Variants in ICA1 observed in about 807,000 individuals in gnomAD.
ICA1 encodes the protein 69 kDa islet cell autoantigen.
ICA1 carries 40 observed loss-of-function variants against 71.0 expected under a neutral mutation model. The observed-to-expected ratio is 0.56, with a 90% CI of 0.44 to 0.73. The LOEUF (loss-of-function observed/expected upper bound fraction) is 0.73, where lower values mean the gene tolerates loss of function less well. Among genes scored for constraint, ICA1 ranks in the 30% least tolerant of loss-of-function variants. The pLI is 0.00. For missense variants in ICA1, 578 were observed against 576.5 expected, an observed-to-expected ratio of 1.00 and a Z score of -0.03; for synonymous variants, 207 against 209.5, an observed-to-expected ratio of 0.99 and a Z score of 0.10.
At chr7:8,197,774 G>A (rs1415212358) in intron 6 of ICA1, among the ~76,000 whole-genome samples, 1 of 151,798 alleles carries the variant, frequency 6.6e-6, no homozygotes, top group Non-Finnish European at 1.5e-5. Flanking sequence ...GTAGATAGAT[G>A]ACTTATAACT....
intron 10 of ICA1, among the ~76,000 whole-genome samples, chr7:8,141,163 G>A (rs1158573283): frequency 6.6e-6 from 1 of 152,198 alleles, no homozygotes; most frequent in Non-Finnish European, 1.5e-5. Flanking sequence ...GAAAACACTG[G>A]CAGTAACAGC....
At chr7:8,147,745 A>G (rs1397839925) in intron 8 of ICA1, among the ~76,000 whole-genome samples, 1 of 151,778 alleles carries the variant, frequency 6.6e-6, no homozygotes, top group Non-Finnish European at 1.5e-5. Context: ...TAACTGAGCT[A>G]TAATTCAAAT....
chr7:8,254,757 G>A (rs1006918308), intron 1 of ICA1, among the ~76,000 whole-genome samples: 1 of 151,964 alleles, frequency 6.6e-6, no homozygotes, highest in African/African-American at 2.4e-5. Flanking sequence ...GAAGCAGAAA[G>A]TGGGGAGTGG....
At chr7:8,162,173 T>C (rs1181413507) in intron 6 of ICA1, among the ~76,000 whole-genome samples, 1 of 152,236 alleles carries the variant, frequency 6.6e-6, no homozygotes, top group Non-Finnish European at 1.5e-5. Flanking sequence ...CTTATTTCAC[T>C]TGCTATAACA....
intron 6 of ICA1, among the ~76,000 whole-genome samples, chr7:8,194,457 G>C (rs192389714): frequency 8.5e-5 from 13 of 152,232 alleles, no homozygotes; most frequent in African/African-American, 3.1e-4. Context: ...TTATTTGTGA[G>C]AAAAGGCTAT....
chr7:8,127,779 TA>T, intron 13 of ICA1, 93 bp downstream of exon 13: 1 of 1,354,448 alleles, frequency 7.4e-7, no homozygotes, highest in East Asian at 2.3e-5. Context: ...GAGAAAACAT[TA>T]AAAAAGACAA....
chr7:8,196,002 C>A (rs73059551), intron 6 of ICA1, among the ~76,000 whole-genome samples: 1,731 of 26,560 alleles, frequency 0.065, 33 homozygotes, highest in African/African-American at 0.13. Flanking sequence ...AACAACAACA[C>A]CAACACCAAC....
chr7:8,167,877 G>A (rs1431322561), intron 6 of ICA1, among the ~76,000 whole-genome samples: 1 of 152,142 alleles, frequency 6.6e-6, no homozygotes, highest in Non-Finnish European at 1.5e-5. Context: ...TGGAGCTAGA[G>A]TGAAAAAGTC....
Position 8,173,522 on chromosome 7 carries a change from AAAAAGAAAC to A in ICA1, c.580-14879_580-14871del, listed in dbSNP as rs1779531246. ...GAACCAATTCAATATTTTGACAAAG[AAAAAGAAAC>A]AAACATTTATCCTGCATATCCTATC... On this transcript the variant is annotated intron_variant, in intron 6 of 13. Transcript: ENST00000402384. The surrounding 1 kb of genome is among the most constrained non-coding windows in gnomAD (Gnocchi z 4.0). Among the ~76,000 whole-genome samples, 1 of 152,224 alleles carries A rather than the reference AAAAAGAAAC, an allele frequency of 6.6e-6. No individual in the cohort carries two copies. The highest frequency in any genetic ancestry group is 2.4e-5 in the African/African-American group (1 of 41,452).
chr7:8,174,784 G>C (rs1313344190), intron 6 of ICA1, among the ~76,000 whole-genome samples: 1 of 47,718 alleles, frequency 2.1e-5, no homozygotes, highest in Non-Finnish European at 4.7e-5. Context: ...AAAAAACAGA[G>C]AGAGAGACAA....
At chr7:8,126,869 A>C (rs1044895191) in intron 13 of ICA1, among the ~76,000 whole-genome samples, 1 of 152,224 alleles carries the variant, frequency 6.6e-6, no homozygotes, top group African/African-American at 2.4e-5. Flanking sequence ...TTTCAACATG[A>C]GTTTCAGGCT....
chr7:8,174,771 A>AAAAAAAACAAAAAGCC (rs71014769), intron 6 of ICA1, among the ~76,000 whole-genome samples: 1 of 106,060 alleles, frequency 9.4e-6, no homozygotes, highest in East Asian at 3.1e-4. Context: ...AAAAAAAAAA[A>AAAAAAAACAAAAAGCC]AAAAAAAACA....
chr7:8,147,640 G>A (rs1327102601), intron 8 of ICA1, among the ~76,000 whole-genome samples: 1 of 151,352 alleles, frequency 6.6e-6, no homozygotes, highest in Admixed American at 6.6e-5. Flanking sequence ...AATTGATACT[G>A]AGCACATGGA....
intron 6 of ICA1, among the ~76,000 whole-genome samples, chr7:8,215,235 A>C (rs1795032774): frequency 6.6e-6 from 1 of 151,834 alleles, no homozygotes; most frequent in African/African-American, 2.4e-5. Flanking sequence ...CCCCATCTCC[A>C]CACTCACCTC....
chr7:8,142,346 T>C (rs779492163), intron 9 of ICA1, among the ~76,000 whole-genome samples: 64 of 152,362 alleles, frequency 4.2e-4, no homozygotes, highest in Non-Finnish European at 7.5e-4. Flanking sequence ...GCCTTCCTCC[T>C]AGCACCGTGA....
At chr7:8,114,171 C>T (rs1305248544) in intron 13 of ICA1, 127 bp from the exon 14 acceptor site, 1 of 1,032,254 alleles carries the variant, frequency 9.7e-7, no homozygotes, top group Non-Finnish European at 1.5e-6. Context: ...CCTTTGCACT[C>T]TCTCTGACAA....
chr7:8,225,016 G>T (rs1264573750), intron 4 of ICA1, among the ~76,000 whole-genome samples: 1 of 152,200 alleles, frequency 6.6e-6, no homozygotes, highest in African/African-American at 2.4e-5. Flanking sequence ...GGTTAAGGAG[G>T]TATCTGCTGG....
chr7:8,131,672 T>A (rs1214112540), intron 12 of ICA1, among the ~76,000 whole-genome samples: 1 of 152,208 alleles, frequency 6.6e-6, no homozygotes, highest in Non-Finnish European at 1.5e-5. Flanking sequence ...ATAATTAAGA[T>A]GCTTAAAATT....
Position 8,221,414 on chromosome 7 carries a change from C to A in ICA1, c.257-16G>T, listed in dbSNP as rs761525360. The stretch of plus-strand genomic sequence containing the variant: ...TGAGACAAGACTGATGAAGAAAAGA[C>A]CAAAAGGAGCCATGAACAATGAGCA... On this transcript the variant is annotated splice_polypyrimidine_tract_variant and intron_variant, in intron 4 of 13. Coordinates refer to ENST00000402384, the MANE Select transcript of ICA1 (RefSeq NM_001136020.3). 6.2e-7 allele frequency: 1 copy of A among 1,612,206 alleles called. No homozygotes were observed. The highest frequency in any genetic ancestry group is 1.1e-5 in the South Asian group (1 of 91,014).
Sources: allele counts gnomAD v4.1 joint callset (sites outside exome capture counted in the v4.1 genomes callset), GRCh38; gene constraint gnomAD v4.1.1; non-coding constraint Gnocchi (gnomAD v3.1); transcripts MANE v1.5; gene names NCBI Gene and HGNC (gene_info 2026-07-23, HGNC 2026-07-21).